The following PLXNA4 variants were observed in gnomAD, a reference collection of about 807,000 sequenced individuals.
PLXNA4 encodes the protein plexin-A4.
PLXNA4 carries 44 observed loss-of-function variants against 191.8 expected under a neutral mutation model. That is an observed-to-expected ratio of 0.23 (90% CI 0.18 to 0.29). The LOEUF (loss-of-function observed/expected upper bound fraction) is 0.29. PLXNA4 is among the 10% of genes least tolerant of loss of function. The pLI, the probability that PLXNA4 is intolerant of heterozygous loss-of-function variation, is 1.00. For missense variants in PLXNA4, 1,800 were observed against 2,488.8 expected (o/e 0.72, Z 5.89); for synonymous variants, 1,082 against 1,009.5 (o/e 1.07, Z -1.36).
At chr7:132,372,975 C>T (rs1585048998) in intron 3 of PLXNA4, among the ~76,000 whole-genome samples, 1 of 152,338 alleles carries the variant, frequency 6.6e-6, no homozygotes, top group East Asian at 1.9e-4. Context: ...TAATTTAATG[C>T]TATGCCAACT....
chr7:132,561,718 T>TCC (rs1801101868), intron 1 of PLXNA4, among the ~76,000 whole-genome samples: 1 of 42,622 alleles, frequency 2.3e-5, no homozygotes, highest in Non-Finnish European at 4.6e-5. Flanking sequence ...TCCTCCTCCT[T>TCC]CTCCTCCTCT....
At chr7:132,261,027 G>C (rs1215077421) in intron 4 of PLXNA4, among the ~76,000 whole-genome samples, 1 of 152,164 alleles carries the variant, frequency 6.6e-6, no homozygotes, top group African/African-American at 2.4e-5. Flanking sequence ...ACCTAAAACT[G>C]CTCTAAAAAA....
chr7:132,525,562 T>C (rs187221331), intron 1 of PLXNA4, among the ~76,000 whole-genome samples: 84 of 152,296 alleles, frequency 5.5e-4, no homozygotes, highest in Middle Eastern at 3.4e-3. Flanking sequence ...ATCCATTTTG[T>C]GGGGGGCACC....
chr7:132,340,169 A>G (rs1802970957), intron 3 of PLXNA4, among the ~76,000 whole-genome samples: 1 of 152,040 alleles, frequency 6.6e-6, no homozygotes, highest in African/African-American at 2.4e-5. Context: ...AGTGGATTGG[A>G]CTCCACGTAC....
chr7:132,541,719 G>A (rs1800095974), intron 1 of PLXNA4, among the ~76,000 whole-genome samples: 1 of 152,264 alleles, frequency 6.6e-6, no homozygotes, highest in African/African-American at 2.4e-5. Flanking sequence ...ACTTTAAATA[G>A]AGCATGGGTT....
At chr7:132,258,860 G>A (rs567845984) in intron 4 of PLXNA4, among the ~76,000 whole-genome samples, 2 of 152,276 alleles carry the variant, frequency 1.3e-5, no homozygotes, top group Non-Finnish European at 2.9e-5. Context: ...ACCACTCAAT[G>A]CAGATATTTA....
At chr7:132,215,676 C>T (rs1797941368) in intron 9 of PLXNA4, among the ~76,000 whole-genome samples, 1 of 152,112 alleles carries the variant, frequency 6.6e-6, no homozygotes. Context: ...TGATTGAGTT[C>T]AACCATCAGT....
chr7:132,529,571 C>T lies in PLXNA4; in HGVS notation c.-86-20792G>A, dbSNP rs111283780. On this transcript the variant is annotated intron_variant, in intron 1 of 31. Transcript: ENST00000321063. ...TCTGGTCTAAAGGGTCTAGGGCAGACATCAATATTTTTTAAAAGCTTCCCA... is the reference window on the plus strand; with the variant it reads ...TCTGGTCTAAAGGGTCTAGGGCAGATATCAATATTTTTTAAAAGCTTCCCA... Among the ~76,000 whole-genome samples, 191 of 151,518 alleles carry T rather than the reference C, an allele frequency of 1.3e-3. 2 individuals carry two copies. Among genetic ancestry groups the T allele is most frequent in the African/African-American group, 4.5e-3 (186 of 41,256 alleles).
chr7:132,343,967 G>C (rs144022598), intron 3 of PLXNA4, among the ~76,000 whole-genome samples: 59 of 152,270 alleles, frequency 3.9e-4, no homozygotes, highest in African/African-American at 1.3e-3. Flanking sequence ...CTCTCTGAGA[G>C]CAAACACTTA....
chr7:132,203,189 A>G, intron 11 of PLXNA4, 134 bp downstream of exon 11: 1 of 754,980 alleles, frequency 1.3e-6, no homozygotes, highest in East Asian at 2.6e-5. Flanking sequence ...GCTGTGAAGG[A>G]GGGGCTCAGA....
rs544860050 is a variant in PLXNA4 at position 132,132,175 on chromosome 7, C to T, written c.5589+874G>A. 9.8e-5 allele frequency among the ~76,000 whole-genome samples: 15 copies of T among 152,322 alleles called. 1 individual carries two copies. In the South Asian group the frequency reaches 3.1e-3, roughly 32 times the overall value. ...CCCAGCAGTGTCGTGTGTGCCCCTG[C>T]ACATGCCTGTGTCTTCCTGAGCTTC... On this transcript the variant is annotated intron_variant, in intron 31 of 31. Coordinates refer to ENST00000321063, the MANE Select transcript of PLXNA4 (RefSeq NM_020911.2).
At chr7:132,349,010 C>T (rs1425342753) in intron 3 of PLXNA4, among the ~76,000 whole-genome samples, 3 of 152,144 alleles carry the variant, frequency 2.0e-5, no homozygotes, top group African/African-American at 7.2e-5. Context: ...CCTTTATACG[C>T]CTCCCCACCA....
chr7:132,563,168 TCTCCTCCTCCTTCTCCTTCCTCCTC>T (rs1801403368), intron 1 of PLXNA4, among the ~76,000 whole-genome samples: 1 of 47,744 alleles, frequency 2.1e-5, no homozygotes, highest in Non-Finnish European at 4.5e-5. Context: ...TCCTCCTCCT[TCTCCTCCTCCTTCTCCTTCCTCCTC>T]CTCCTCTTCC....
chr7:132,645,064 T>G (rs1386311975), intron 2 of PLXNA4, among the ~76,000 whole-genome samples: 5 of 152,300 alleles, frequency 3.3e-5, no homozygotes, highest in Admixed American at 6.5e-5. Flanking sequence ...TCAGCTTAGT[T>G]TGCAGAGCTG....
intron 15 of PLXNA4, among the ~76,000 whole-genome samples, chr7:132,185,838 A>T (rs6946056): frequency 6.6e-6 from 1 of 151,968 alleles, no homozygotes; most frequent in Non-Finnish European, 1.5e-5. Flanking sequence ...ACCTTGATGT[A>T]TCCTCTTAGT....
intron 31 of PLXNA4, among the ~76,000 whole-genome samples, chr7:132,131,999 C>T (rs1225852799): frequency 6.6e-6 from 1 of 152,202 alleles, no homozygotes; most frequent in African/African-American, 2.4e-5. Flanking sequence ...ATAGAGAACT[C>T]GGGGCACAAG....
chr7:132,226,380 G>A, intron 7 of PLXNA4, 120 bp from the exon 8 acceptor site: 1 of 776,762 alleles, frequency 1.3e-6, no homozygotes, highest in East Asian at 2.6e-5. Context: ...GGCTTAACAG[G>A]GCTCTGACTC....
intron 5 of PLXNA4, among the ~76,000 whole-genome samples, chr7:132,233,336 G>A: frequency 6.6e-6 from 1 of 152,264 alleles, no homozygotes; most frequent in African/African-American, 2.4e-5. Flanking sequence ...AGCTAGTATA[G>A]GATCCTTCCT....
intron 4 of PLXNA4, among the ~76,000 whole-genome samples, chr7:132,292,101 A>T (rs1292897047): frequency 1.3e-5 from 2 of 152,198 alleles, no homozygotes; most frequent in Non-Finnish European, 2.9e-5. Flanking sequence ...AGCCCCCAGG[A>T]AAGTTTCAAA....
Sources: gnomAD v4.1 joint callset for allele counts (sites outside exome capture counted in the v4.1 genomes callset) on GRCh38, gnomAD v4.1.1 for gene constraint, MANE v1.5 for transcripts, NCBI Gene and HGNC (gene_info 2026-07-23, HGNC 2026-07-21) for gene names.